SWT1: variants seen among roughly 807,000 people sequenced by gnomAD.
SWT1 encodes the protein SWT1 RNA endoribonuclease homolog.
In SWT1, 33 loss-of-function variants were observed where a neutral mutation model predicts 107.3. The observed-to-expected ratio is 0.31, with a 90% CI of 0.23 to 0.41. The LOEUF is 0.41. Ranked by LOEUF, SWT1 falls within the 10% of genes least tolerant of loss-of-function variation. The pLI is 1.00. For synonymous variants in SWT1, 345 were observed against 348.3 expected (o/e 0.99, Z 0.11); for missense variants, 898 against 1,028.9 (o/e 0.87, Z 1.74).
At chr1:185,272,957 C>T (rs964536104) in intron 17 of SWT1, among the ~76,000 whole-genome samples, 4 of 150,894 alleles carry the variant, frequency 2.7e-5, no homozygotes, top group Admixed American at 6.6e-5. Context: ...TATTTGAGTC[C>T]GGGAGGTCAA....
At chr1:185,272,531 A>G (rs1264853741) in intron 17 of SWT1, among the ~76,000 whole-genome samples, 1 of 152,180 alleles carries the variant, frequency 6.6e-6, no homozygotes, top group Non-Finnish European at 1.5e-5. Context: ...CCCAGTGATT[A>G]AGAACACAGA....
At chr1:185,206,914 T>C in intron 13 of SWT1, 151 bp downstream of exon 13, 1 of 564,784 alleles carries the variant, frequency 1.8e-6, no homozygotes, top group Non-Finnish European at 2.9e-6. Context: ...TTGTGGAAAC[T>C]GGATGAACAG....
intron 9 of SWT1, among the ~76,000 whole-genome samples, chr1:185,186,157 T>C (rs1301521840): frequency 6.6e-6 from 1 of 152,202 alleles, no homozygotes; most frequent in South Asian, 2.1e-4. Context: ...TAATAGCTTA[T>C]GGTTCAGAAT....
intron 2 of SWT1, among the ~76,000 whole-genome samples, chr1:185,165,648 G>A (rs559762500): frequency 2.0e-5 from 3 of 152,188 alleles, no homozygotes; most frequent in Admixed American, 2.0e-4. Context: ...ACTTTCCAGT[G>A]TTTTTCCACT....
Position 185,288,306 on chromosome 1 carries a change from C to A in SWT1, c.2574-2368C>A, listed in dbSNP as rs370937717. On this transcript the variant is annotated intron_variant, in intron 18 of 18. Coordinates refer to ENST00000367500, the MANE Select transcript of SWT1 (RefSeq NM_017673.7). ...TATTGCTTAGGCTGCTCTCAAACTC[C>A]TGGCCTTCATGATCCTGCTGCCTCA... Among the ~76,000 whole-genome samples the A allele has an allele frequency of 4.6e-5, 7 of 152,198 alleles. 1 individual carries two copies. The highest frequency in any genetic ancestry group is 1.4e-4 in the African/African-American group (6 of 41,526).
intron 13 of SWT1, among the ~76,000 whole-genome samples, chr1:185,213,213 C>T (rs1658963690): frequency 6.6e-6 from 1 of 152,086 alleles, no homozygotes; most frequent in Non-Finnish European, 1.5e-5. Flanking sequence ...TGGAAAAGCA[C>T]CCTTAAAAGA....
chr1:185,161,264 T>G (rs1654121064), intron 2 of SWT1, among the ~76,000 whole-genome samples: 1 of 152,204 alleles, frequency 6.6e-6, no homozygotes, highest in Non-Finnish European at 1.5e-5. Flanking sequence ...TGAACCATTT[T>G]CCATGTTTTC....
chr1:185,226,190 G>T (rs1039850535), intron 15 of SWT1, among the ~76,000 whole-genome samples: 1 of 152,136 alleles, frequency 6.6e-6, no homozygotes, highest in Non-Finnish European at 1.5e-5. Context: ...ACATGCATTT[G>T]TGTTGGATGC....
chr1:185,167,908 T>C (rs888726275), intron 3 of SWT1, among the ~76,000 whole-genome samples: 3 of 152,236 alleles, frequency 2.0e-5, no homozygotes, highest in African/African-American at 7.2e-5. Flanking sequence ...CTCTTCTGCT[T>C]TGACACTTAC....
intron 14 of SWT1, among the ~76,000 whole-genome samples, chr1:185,219,114 AG>A (rs1659439784): frequency 6.6e-6 from 1 of 152,236 alleles, no homozygotes; most frequent in Admixed American, 6.5e-5. Flanking sequence ...TCAGAATTTA[AG>A]GTAAACAGAC....
chr1:185,224,457 C>G (rs1659903396), intron 15 of SWT1, among the ~76,000 whole-genome samples: 1 of 151,688 alleles, frequency 6.6e-6, no homozygotes, highest in Non-Finnish European at 1.5e-5. Context: ...TCAGGGATTG[C>G]TTTGGCTATT....
intron 13 of SWT1, among the ~76,000 whole-genome samples, chr1:185,208,006 AT>A (rs1398207707): frequency 6.6e-6 from 1 of 152,202 alleles, no homozygotes; most frequent in African/African-American, 2.4e-5. Context: ...TGTGTTTATT[AT>A]TTCATATATT....
At chr1:185,197,357 C>T (rs923973547) in intron 10 of SWT1, among the ~76,000 whole-genome samples, 2 of 152,036 alleles carry the variant, frequency 1.3e-5, no homozygotes, top group Non-Finnish European at 2.9e-5. Flanking sequence ...CTGCTGGATT[C>T]GGTTTGTTAG....
intron 14 of SWT1, among the ~76,000 whole-genome samples, chr1:185,221,612 A>G (rs907294756): frequency 3.9e-5 from 6 of 152,170 alleles, no homozygotes; most frequent in African/African-American, 1.4e-4. Flanking sequence ...TGACATTAGC[A>G]TGTTAGCGAA....
At chr1:185,262,298 G>A (rs1447916096) in intron 16 of SWT1, 4 of 152,198 alleles carry the variant, frequency 2.6e-5, no homozygotes, top group Non-Finnish European at 5.9e-5. Context: ...TGTCATACTT[G>A]TTTCTGGCTC....
At chr1:185,173,566 A>C (rs942115402) in intron 4 of SWT1, among the ~76,000 whole-genome samples, 2 of 148,982 alleles carry the variant, frequency 1.3e-5, no homozygotes, top group African/African-American at 2.5e-5. Flanking sequence ...AAAATTAGCC[A>C]GATGTGGTAG....
chr1:185,181,730 T>C (rs1219594256), intron 6 of SWT1, among the ~76,000 whole-genome samples: 3 of 152,260 alleles, frequency 2.0e-5, no homozygotes, highest in Non-Finnish European at 4.4e-5. Flanking sequence ...TTAAATAATT[T>C]GCTTGCATAG....
At chr1:185,231,306 T>C (rs546260797) in intron 15 of SWT1, among the ~76,000 whole-genome samples, 9 of 152,356 alleles carry the variant, frequency 5.9e-5, no homozygotes, top group African/African-American at 2.2e-4. Context: ...CCTCTATCTC[T>C]TGTTGTCTCT....
chr1:185,277,433 C>T (rs1314342757), intron 18 of SWT1, among the ~76,000 whole-genome samples: 1 of 152,080 alleles, frequency 6.6e-6, no homozygotes, highest in Non-Finnish European at 1.5e-5. Context: ...GGATTATAGG[C>T]ACCCACCACC....
Sources: allele counts gnomAD v4.1 joint callset (sites outside exome capture counted in the v4.1 genomes callset), GRCh38; gene constraint gnomAD v4.1.1; transcripts MANE v1.5; gene names NCBI Gene and HGNC (gene_info 2026-07-23, HGNC 2026-07-21).